The following NDST3 variants were observed in gnomAD, a reference collection of about 807,000 sequenced individuals.
NDST3 encodes N-deacetylase and N-sulfotransferase 3, also known as bifunctional heparan sulfate N-deacetylase/N-sulfotransferase 3.
A neutral mutation model predicts 96.1 loss-of-function variants in NDST3; 58 were observed. The observed-to-expected ratio is 0.60, with a 90% CI of 0.49 to 0.75. The LOEUF is 0.75. Ranked by LOEUF, NDST3 falls within the 30% of genes least tolerant of loss-of-function variation. The probability of loss-of-function intolerance (pLI) is 0.00; values close to 1 mark genes in which losing one functional copy is unlikely to be tolerated. For missense variants in NDST3, 788 were observed against 1,034.2 expected, an observed-to-expected ratio of 0.76 and a Z score of 3.27; for synonymous variants, 333 against 359.7, an observed-to-expected ratio of 0.93 and a Z score of 0.84.
At chr4:118,220,419 A>G (rs890117722) in intron 6 of NDST3, among the ~76,000 whole-genome samples, 2 of 151,808 alleles carry the variant, frequency 1.3e-5, no homozygotes, top group African/African-American at 2.4e-5. Context: ...ACATGGACAC[A>G]GGGAGGGGAA....
intron 2 of NDST3, among the ~76,000 whole-genome samples, chr4:118,079,946 G>A (rs1466776977): frequency 6.6e-6 from 1 of 152,122 alleles, no homozygotes; most frequent in Admixed American, 6.5e-5. Context: ...TAGGATTTTG[G>A]CCTGACAGCA....
In NDST3 at chr4:118,148,807, G is replaced by A. The variant is rs188034275; in HGVS notation, c.1539+5123G>A. ...TTTCTTTTTTTGTTCGCTAGTTCTG[G>A]AACACATTCTAATAATAGGAGACCC... On this transcript the variant is annotated intron_variant, in intron 6 of 13. Transcript: ENST00000296499. Among the ~76,000 whole-genome samples, 52 of 152,134 alleles carry A rather than the reference G, an allele frequency of 3.4e-4. 1 individual carries two copies. In the East Asian group the frequency reaches 9.5e-3, roughly 28 times the overall value.
intron 13 of NDST3, among the ~76,000 whole-genome samples, chr4:118,254,171 G>C (rs1242785482): frequency 1.3e-5 from 2 of 151,636 alleles, no homozygotes; most frequent in African/African-American, 4.9e-5. Context: ...CTTGAACCTG[G>C]GAGGTGGAGG....
chr4:118,237,921 A>C (rs755731646), intron 10 of NDST3, among the ~76,000 whole-genome samples: 1 of 152,076 alleles, frequency 6.6e-6, no homozygotes, highest in Non-Finnish European at 1.5e-5. Context: ...GTTTGAGCCC[A>C]GGAGTTCAAG....
chr4:118,084,761 C>T (rs751133495), intron 2 of NDST3, among the ~76,000 whole-genome samples: 7 of 152,146 alleles, frequency 4.6e-5, no homozygotes, highest in Non-Finnish European at 1.0e-4. Flanking sequence ...GCCTTTTTAA[C>T]TTAGTTCCAT....
Position 118,227,046 on chromosome 4 carries a change from T to G in NDST3, c.1819+64T>G, listed in dbSNP as rs530876100. On this transcript the variant is annotated intron_variant, in intron 8 of 13. Coordinates refer to ENST00000296499, the MANE Select transcript of NDST3 (RefSeq NM_004784.3). ...TTCTGATGACTAGACAATGAGATCT[T>G]GTCACAATAAGTTCGTAAACTTCCC... 7.5e-4 allele frequency: 814 copies of G among 1,081,928 alleles called. 14 individuals are homozygous for G. The South Asian group carries it at 0.011, about 14-fold the overall frequency. 67.0% of individuals were successfully genotyped at this position (1,081,928 alleles called of 1,614,324 possible). A position where few individuals can be genotyped will look rare whatever the true frequency, so the allele number is the denominator to read the frequency against.
chr4:118,127,197 G>A (rs535931782), intron 4 of NDST3, among the ~76,000 whole-genome samples: 28 of 151,846 alleles, frequency 1.8e-4, no homozygotes, highest in African/African-American at 6.5e-4. Flanking sequence ...ATTTTAACTC[G>A]ATGTGATCCC....
At chr4:118,047,207 C>G (rs978484903) in intron 1 of NDST3, among the ~76,000 whole-genome samples, 2 of 152,220 alleles carry the variant, frequency 1.3e-5, no homozygotes, top group African/African-American at 4.8e-5. Flanking sequence ...CAAATAAAGG[C>G]CCTATAGAGA....
intron 6 of NDST3, among the ~76,000 whole-genome samples, chr4:118,146,375 T>C (rs926765893): frequency 6.6e-6 from 1 of 152,162 alleles, no homozygotes; most frequent in African/African-American, 2.4e-5. Flanking sequence ...TTAAATACAT[T>C]CACATACATT....
At chr4:118,212,893 T>C (rs1351124936) in intron 6 of NDST3, among the ~76,000 whole-genome samples, 21 of 152,202 alleles carry the variant, frequency 1.4e-4, no homozygotes, top group Non-Finnish European at 1.5e-5. Context: ...ATGTATTTCT[T>C]GGGTACTTAA....
At chr4:118,058,796 A>G (rs948695137) in intron 2 of NDST3, among the ~76,000 whole-genome samples, 1 of 152,094 alleles carries the variant, frequency 6.6e-6, no homozygotes, top group Non-Finnish European at 1.5e-5. Flanking sequence ...AATTAAAAAA[A>G]GCTTCTACCA....
intron 6 of NDST3, among the ~76,000 whole-genome samples, chr4:118,192,786 C>A (rs1381015479): frequency 6.6e-6 from 1 of 151,652 alleles, no homozygotes; most frequent in East Asian, 1.9e-4. Flanking sequence ...GGACCTTCAT[C>A]AACATGCAAA....
At chr4:118,173,186 C>T (rs867755594) in intron 6 of NDST3, among the ~76,000 whole-genome samples, 57 of 151,560 alleles carry the variant, frequency 3.8e-4, no homozygotes, top group African/African-American at 1.3e-3. Context: ...AAGATATATA[C>T]ACATCTTATT....
intron 2 of NDST3, among the ~76,000 whole-genome samples, chr4:118,056,290 A>T (rs1725424722): frequency 6.6e-6 from 1 of 151,878 alleles, no homozygotes; most frequent in African/African-American, 2.4e-5. Context: ...TTTTGTATGT[A>T]GCCCCCTGTT....
At chr4:118,146,016 C>T (rs1179229872) in intron 6 of NDST3, among the ~76,000 whole-genome samples, 3 of 152,200 alleles carry the variant, frequency 2.0e-5, no homozygotes, top group Non-Finnish European at 2.9e-5. Context: ...TCTTGGAGAA[C>T]AGAGTAAGGA....
chr4:118,054,208 G>C lies in NDST3; in HGVS notation c.298G>C (p.Glu100Gln), dbSNP rs1725263381. 1 of 1,612,798 alleles carries C rather than the reference G, an allele frequency of 6.2e-7. No homozygotes were observed. Among genetic ancestry groups the C allele is most frequent in the African/African-American group, 1.3e-5 (1 of 74,780 alleles). Residue 100 changes from glutamate to glutamine, a missense_variant, in exon 2 of 14, where the codon GAA (glutamate) becomes CAA (glutamine). Physicochemically the swap from Glu to Gln is conservative, Grantham distance 29 (BLOSUM62 2). Coordinates refer to ENST00000296499, the MANE Select transcript of NDST3 (RefSeq NM_004784.3). ...SLGQDIIMILESSRFQYHIEI... is the reference protein window; with the variant it reads ...SLGQDIIMILQSSRFQYHIEI... ...TGGTCAAGACATCATTATGATTCTA[G>C]AATCAAGTAGATTCCAGTATCACAT... is the stretch of plus-strand genomic sequence containing the variant.
At chr4:118,202,217 G>C (rs961197982) in intron 6 of NDST3, among the ~76,000 whole-genome samples, 2 of 152,070 alleles carry the variant, frequency 1.3e-5, no homozygotes, top group Non-Finnish European at 2.9e-5. Context: ...AGTAGGAGTA[G>C]TAGTGTAGCC....
chr4:118,154,449 A>G (rs1734601915), intron 6 of NDST3, among the ~76,000 whole-genome samples: 3 of 152,232 alleles, frequency 2.0e-5, no homozygotes, highest in Admixed American at 2.0e-4. Flanking sequence ...TTTCAGGGGC[A>G]TGACTTGCTT....
At chr4:118,100,618 T>C (rs763388688) in intron 2 of NDST3, among the ~76,000 whole-genome samples, 5 of 152,114 alleles carry the variant, frequency 3.3e-5, no homozygotes, top group Non-Finnish European at 5.9e-5. Context: ...CTTGTCTTCG[T>C]TTCTGGAAGA....
Sources: gnomAD v4.1 joint callset for allele counts (sites outside exome capture counted in the v4.1 genomes callset) on GRCh38, gnomAD v4.1.1 for gene constraint, MANE v1.5 for transcripts, NCBI Gene and HGNC (gene_info 2026-07-23, HGNC 2026-07-21) for gene names.